Variants in GABBR1 observed in about 807,000 individuals in gnomAD.
GABBR1 encodes GABA-B receptor, R1 subunit.
GABBR1 carries 35 observed loss-of-function variants against 117.7 expected under a neutral mutation model. The ratio of observed to expected loss-of-function variants is 0.30; its 90% CI spans 0.23 to 0.39. The LOEUF (loss-of-function observed/expected upper bound fraction) is 0.39. Ranked by LOEUF, GABBR1 falls within the 10% of genes least tolerant of loss-of-function variation. GABBR1 has a pLI of 1.00. For synonymous variants in GABBR1, 442 were observed against 486.6 expected (o/e 0.91, Z 1.21); for missense variants, 709 against 1,241.8 (o/e 0.57, Z 6.45).
At chr6:29,628,091 G>A (rs1383178493) in intron 5 of GABBR1, 3 of 602,620 alleles carry the variant, frequency 5.0e-6, no homozygotes, top group South Asian at 1.6e-4. Flanking sequence ...GGCGGCGCGC[G>A]GCAGCGGGGG....
chr6:29,616,865 A>C (rs1375682374), intron 11 of GABBR1, among the ~76,000 whole-genome samples: 1 of 144,782 alleles, frequency 6.9e-6, no homozygotes, highest in African/African-American at 2.5e-5. Context: ...AAAAAAAAAA[A>C]GGCTGGGCGC....
At position 29,627,415 on chromosome 6, in the gene GABBR1, G is replaced by T; in HGVS notation, c.657+71C>A. On this transcript the variant is annotated intron_variant, in intron 6 of 22. Transcript: ENST00000377034. This position sits in a 1 kb window ranked among gnomAD's most constrained non-coding sequence, Gnocchi z 4.4. ...CCCAGAGACGACTCAGACAGATGGGGGCGCGTGCAGCTGGCTGGCCCCCTG... is the reference window on the plus strand; with the variant it reads ...CCCAGAGACGACTCAGACAGATGGGTGCGCGTGCAGCTGGCTGGCCCCCTG... 6.9e-7 allele frequency: 1 copy of T among 1,450,830 alleles called. No individual in the cohort carries two copies. The highest frequency in any genetic ancestry group is 9.4e-7 in the Non-Finnish European group (1 of 1,066,754). The allele number at this position is 1,450,830 out of a possible 1,614,324, so 89.9% of individuals were successfully genotyped here.
chr6:29,605,852 C>A lies in GABBR1; in HGVS notation c.2312-156G>T. ...ACCTAGCAAACCTCACCCTGTGTCC[C>A]CTATCCCTTATGTCCACCCAACTTG... On this transcript the variant is annotated intron_variant, in intron 19 of 22. Transcript: ENST00000377034. The surrounding 1 kb of genome is among the most constrained non-coding windows in gnomAD (Gnocchi z 4.2). The A allele has an allele frequency of 1.2e-6, 1 of 827,854 alleles. No homozygotes were observed. The highest frequency in any genetic ancestry group is 2.7e-5 in the Admixed American group (1 of 36,556). 51.3% of individuals were successfully genotyped at this position (827,854 alleles called of 1,614,324 possible).
At chr6:29,617,912 TA>T in intron 11 of GABBR1, among the ~76,000 whole-genome samples, 1 of 152,340 alleles carries the variant, frequency 6.6e-6, no homozygotes, top group Non-Finnish European at 1.5e-5. Flanking sequence ...TATATTACCT[TA>T]TTTAATCCTC....
In GABBR1 at chr6:29,603,042, G is replaced by A. The variant is rs1196053472; in HGVS notation, c.*501C>T. The A allele has an allele frequency of 4.4e-6, 2 of 457,008 alleles. No individual in the cohort carries two copies. Among genetic ancestry groups the A allele is most frequent in the Non-Finnish European group, 8.8e-6 (2 of 227,112 alleles). 28.3% of individuals were successfully genotyped at this position (457,008 alleles called of 1,614,324 possible). On this transcript the variant is annotated 3_prime_UTR_variant, in exon 23 of 23. Coordinates refer to ENST00000377034, the MANE Select transcript of GABBR1 (RefSeq NM_001470.4). The stretch of plus-strand genomic sequence containing the variant: ...CTCCCAAAGGAAGCAAAATTCAGGG[G>A]GAGCCACATGTGAGAAAGTATAGAA...
Position 29,627,755 on chromosome 6 carries a change from G to C in GABBR1, c.497-109C>G. 6.7e-7 allele frequency: 1 copy of C among 1,490,240 alleles called. No individual in the cohort carries two copies. The allele number at this position is 1,490,240 out of a possible 1,614,324, so 92.3% of individuals were successfully genotyped here. A position where few individuals can be genotyped will look rare whatever the true frequency, so the allele number is the denominator to read the frequency against. On this transcript the variant is annotated intron_variant, in intron 5 of 22. Coordinates refer to ENST00000377034, the MANE Select transcript of GABBR1 (RefSeq NM_001470.4). The surrounding 1 kb of genome is among the most constrained non-coding windows in gnomAD (Gnocchi z 4.4). ...GCCATCACAACCAGAAGCGGCAGTGGCCACCCCACCCGGGCAAAAGGGGCC... is the reference window on the plus strand; with the variant it reads ...GCCATCACAACCAGAAGCGGCAGTGCCCACCCCACCCGGGCAAAAGGGGCC...
chr6:29,612,732 A>G (rs890164137), intron 12 of GABBR1, 118 bp from the exon 13 acceptor site: 3 of 880,826 alleles, frequency 3.4e-6, no homozygotes, highest in African/African-American at 3.3e-5. Context: ...AATGAATGCT[A>G]TTTATGGCAT....
rs28383950 is a variant in GABBR1, at chr6:29,611,849, T to TA, written c.1630+701dup. Among the ~76,000 whole-genome samples the TA allele has an allele frequency of 0.016, 2,438 of 149,804 alleles. 39 individuals carry two copies. The highest frequency in any genetic ancestry group is 0.034 in the African/African-American group (1,404 of 41,000). ...AGCAAGGAAATTTGGCAGATTCCCT[T>TA]AAAAAAAAAATAGCGGTTCTCCTAG... On this transcript the variant is annotated intron_variant, in intron 13 of 22. Coordinates refer to ENST00000377034, the MANE Select transcript of GABBR1 (RefSeq NM_001470.4). The surrounding 1 kb of genome is among the most constrained non-coding windows in gnomAD (Gnocchi z 4.6).
chr6:29,632,521 G>A lies in GABBR1; in HGVS notation c.1-136C>T. ...CTGGGGACCAAGAGAGCGCCCCGCG[G>A]AGGAGGCGGGGGCGGAGCCCCGCGC... On this transcript the variant is annotated intron_variant, in intron 1 of 22. Coordinates refer to ENST00000377034, the MANE Select transcript of GABBR1 (RefSeq NM_001470.4). This position sits in a 1 kb window ranked among gnomAD's most constrained non-coding sequence, Gnocchi z 5.8. 1.1e-6 allele frequency: 1 copy of A among 933,716 alleles called. No homozygotes were observed. The highest frequency in any genetic ancestry group is 1.5e-6 in the Non-Finnish European group (1 of 671,466). 57.8% of individuals were successfully genotyped at this position (933,716 alleles called of 1,614,324 possible).
chr6:29,621,167 C>A lies in GABBR1; in HGVS notation c.1257G>T (p.Val419=), dbSNP rs1173755428. ...CAATCTCAGTTGTGATGTGGCCCTC[C>A]ACCGCCTCAGTCATCTCATCCACTG... ...NCTVDEMTEA[V]EGHITTEIVM... Residue 419 remains valine, a synonymous_variant, in exon 11 of 23, where the codon GTG becomes GTT. Transcript: ENST00000377034. This position sits in a 1 kb window ranked among gnomAD's most constrained non-coding sequence, Gnocchi z 5.0. The A allele has an allele frequency of 6.2e-7, 1 of 1,613,042 alleles. No homozygotes were observed. The highest frequency in any genetic ancestry group is 8.5e-7 in the Non-Finnish European group (1 of 1,180,020).
rs1387078023 is a variant in GABBR1, at chr6:29,631,802, A to G, written c.86-203T>C. Among the ~76,000 whole-genome samples the G allele has an allele frequency of 1.3e-5, 2 of 152,064 alleles. No individual in the cohort carries two copies. The highest frequency in any genetic ancestry group is 2.9e-5 in the Non-Finnish European group (2 of 68,008). On this transcript the variant is annotated intron_variant, in intron 2 of 22. Coordinates refer to ENST00000377034, the MANE Select transcript of GABBR1 (RefSeq NM_001470.4). The surrounding 1 kb of genome is among the most constrained non-coding windows in gnomAD (Gnocchi z 5.9). ...GGACAGAGAGTAAAGGGCCAGGGTT[A>G]AAGCTGATGAGAGAACCCACAAGTG...
At position 29,623,738 on chromosome 6, in the gene GABBR1, G is replaced by A. The variant is rs1329965703; in HGVS notation, c.792+152C>T. Reference sequence around the variant, plus strand: ...AGCACTGTCAGGCCACTGTTGCTAGGAGGCTGCCTAGCTCAGGTCTGCAGA... The same window carrying A: ...AGCACTGTCAGGCCACTGTTGCTAGAAGGCTGCCTAGCTCAGGTCTGCAGA... On this transcript the variant is annotated intron_variant, in intron 7 of 22. Coordinates refer to ENST00000377034, the MANE Select transcript of GABBR1 (RefSeq NM_001470.4). The surrounding 1 kb of genome is among the most constrained non-coding windows in gnomAD (Gnocchi z 6.2). 9 of 906,420 alleles carry A rather than the reference G, an allele frequency of 9.9e-6. No individual in the cohort carries two copies. Among genetic ancestry groups the A allele is most frequent in the Admixed American group, 2.8e-5 (1 of 35,414 alleles). 56.1% of individuals were successfully genotyped at this position (906,420 alleles called of 1,614,324 possible).
rs1378640660 is a variant in GABBR1, at chr6:29,611,809, A to G, written c.1630+742T>C. 6.6e-6 allele frequency among the ~76,000 whole-genome samples: 1 copy of G among 152,112 alleles called. No homozygotes were observed. Among genetic ancestry groups the G allele is most frequent in the Non-Finnish European group, 1.5e-5 (1 of 68,030 alleles). Reference sequence around the variant, plus strand: ...AATCTACAAAAGCCAAGCTATACACATTGAAGCTTTACACAGCAAGGAAAT... The same window carrying G: ...AATCTACAAAAGCCAAGCTATACACGTTGAAGCTTTACACAGCAAGGAAAT... On this transcript the variant is annotated intron_variant, in intron 13 of 22. Transcript: ENST00000377034. The surrounding 1 kb of genome is among the most constrained non-coding windows in gnomAD (Gnocchi z 4.6).
intron 11 of GABBR1, among the ~76,000 whole-genome samples, chr6:29,617,707 C>T (rs1386543367): frequency 6.6e-6 from 1 of 152,212 alleles, no homozygotes; most frequent in Non-Finnish European, 1.5e-5. Context: ...TCCCAAACAG[C>T]TCCCAGTAAA....
chr6:29,612,294 G>A (rs1762628069), intron 13 of GABBR1, among the ~76,000 whole-genome samples: 1 of 152,012 alleles, frequency 6.6e-6, no homozygotes, highest in Non-Finnish European at 1.5e-5. Context: ...GGGATTACAG[G>A]GGTGAGCCAC....
Position 29,609,448 on chromosome 6 carries a change from G to A in GABBR1, c.1709-69C>T. ...GAAGGAGGACAAAGGAATGAAGACG[G>A]GATAGGAGAAAAGGGCAAAGAACTA... On this transcript the variant is annotated intron_variant, in intron 14 of 22. Transcript: ENST00000377034. This position sits in a 1 kb window ranked among gnomAD's most constrained non-coding sequence, Gnocchi z 4.3. 1.4e-6 allele frequency: 2 copies of A among 1,416,708 alleles called. No individual in the cohort carries two copies. The highest frequency in any genetic ancestry group is 9.9e-7 in the Non-Finnish European group (1 of 1,012,584). The allele number at this position is 1,416,708 out of a possible 1,614,324, so 87.8% of individuals were successfully genotyped here. A position where few individuals can be genotyped will look rare whatever the true frequency, so the allele number is the denominator to read the frequency against.
chr6:29,606,662 C>T lies in GABBR1; in HGVS notation c.2218-178G>A. The T allele has an allele frequency of 1.6e-6, 1 of 637,950 alleles. No individual in the cohort carries two copies. The highest frequency in any genetic ancestry group is 2.8e-6 in the Non-Finnish European group (1 of 360,886). 39.5% of individuals were successfully genotyped at this position (637,950 alleles called of 1,614,324 possible). A position where few individuals can be genotyped will look rare whatever the true frequency, so the allele number is the denominator to read the frequency against. On this transcript the variant is annotated intron_variant, in intron 18 of 22. Coordinates refer to ENST00000377034, the MANE Select transcript of GABBR1 (RefSeq NM_001470.4). This position sits in a 1 kb window ranked among gnomAD's most constrained non-coding sequence, Gnocchi z 4.5. ...CTTGGAGGTGCTTGTTCCCCACTTTCCCTGATGCCTGGAAGTTCTACACAC... is the reference window on the plus strand; with the variant it reads ...CTTGGAGGTGCTTGTTCCCCACTTTTCCTGATGCCTGGAAGTTCTACACAC...
At position 29,622,315 on chromosome 6, in the gene GABBR1, C is replaced by A. The variant is rs971165118; in HGVS notation, c.964-110G>T. On this transcript the variant is annotated intron_variant, in intron 8 of 22. Coordinates refer to ENST00000377034, the MANE Select transcript of GABBR1 (RefSeq NM_001470.4). This position sits in a 1 kb window ranked among gnomAD's most constrained non-coding sequence, Gnocchi z 4.6. ...GCAATACTCAGATAGAGCAAAGAAG[C>A]AGCCATTCTGAACCTTCCTTCAACA... is the stretch of plus-strand genomic sequence containing the variant. 5.3e-5 allele frequency: 39 copies of A among 739,274 alleles called. No homozygotes were observed. The highest frequency in any genetic ancestry group is 7.3e-5 in the Non-Finnish European group (31 of 424,416). 45.8% of individuals were successfully genotyped at this position (739,274 alleles called of 1,614,324 possible). A position where few individuals can be genotyped will look rare whatever the true frequency, so the allele number is the denominator to read the frequency against.
chr6:29,611,921 C>T lies in GABBR1; in HGVS notation c.1630+630G>A, dbSNP rs566366037. 2.0e-5 allele frequency among the ~76,000 whole-genome samples: 3 copies of T among 152,304 alleles called. No homozygotes were observed. In the South Asian group the frequency reaches 6.2e-4, roughly 32 times the overall value. ...CTGACAGGTCATCAACCTCTCAACC[C>T]AAGCCACTCAAGGGGAAATTCCTGA... On this transcript the variant is annotated intron_variant, in intron 13 of 22. Transcript: ENST00000377034. The surrounding 1 kb of genome is among the most constrained non-coding windows in gnomAD (Gnocchi z 4.6).
Sources: allele counts gnomAD v4.1 joint callset (sites outside exome capture counted in the v4.1 genomes callset), GRCh38; gene constraint gnomAD v4.1.1; non-coding constraint Gnocchi (gnomAD v3.1); transcripts MANE v1.5; gene names NCBI Gene and HGNC (gene_info 2026-07-23, HGNC 2026-07-21).